The following ANKFN1 variants were observed in gnomAD, a reference collection of about 807,000 sequenced individuals.
The protein encoded by ANKFN1 is ankyrin repeat and fibronectin type-III domain-containing protein 1.
A neutral mutation model predicts 108.7 loss-of-function variants in ANKFN1; 74 were observed. The observed-to-expected ratio is 0.68, with a 90% confidence interval of 0.56 to 0.83. The LOEUF (loss-of-function observed/expected upper bound fraction) is 0.83, where lower values mean the gene tolerates loss of function less well. Among genes scored for constraint, ANKFN1 ranks in the 40% least tolerant of loss-of-function variants. The pLI is 0.00. For missense variants in ANKFN1, 1,505 were observed against 1,382.3 expected (o/e 1.09, Z -1.41); for synonymous variants, 547 against 516.2 (o/e 1.06, Z -0.81).
intron 4 of ANKFN1, among the ~76,000 whole-genome samples, chr17:56,069,038 C>T (rs1905092534): frequency 6.6e-6 from 1 of 152,054 alleles, no homozygotes; most frequent in African/African-American, 2.4e-5. Flanking sequence ...ATTATTAGTG[C>T]CTCATTATTG....
At chr17:56,119,477 G>A (rs1380114098) in intron 4 of ANKFN1, among the ~76,000 whole-genome samples, 6 of 152,080 alleles carry the variant, frequency 3.9e-5, no homozygotes, top group Admixed American at 3.9e-4. Flanking sequence ...CACCAGGCCA[G>A]TAGAACATGA....
rs138775588 is a variant in ANKFN1 at position 56,085,842 on chromosome 17, C to G, written c.288+39517C>G. Among the ~76,000 whole-genome samples the G allele has an allele frequency of 2.0e-5, 3 of 151,472 alleles. No homozygotes were observed. The East Asian group carries it at 5.8e-4, about 29-fold the overall frequency. ...CAGCTGGTTTACCAGGAGAAAACAT[C>G]TGACTCAAGCTTGTAAGCAGGCTGT... On this transcript the variant is annotated intron_variant, in intron 4 of 12. Coordinates refer to the ANKFN1 transcript ENST00000635860.
intron 3 of ANKFN1, among the ~76,000 whole-genome samples, chr17:56,243,265 C>T (rs1313674602): frequency 5.3e-5 from 8 of 152,118 alleles, no homozygotes; most frequent in Non-Finnish European, 1.0e-4. Context: ...CCTTAGCCCT[C>T]CTTATCTAAA....
intron 1 of ANKFN1, among the ~76,000 whole-genome samples, chr17:56,167,808 A>G (rs1910292953): frequency 6.6e-6 from 1 of 152,094 alleles, no homozygotes; most frequent in South Asian, 2.1e-4. Flanking sequence ...ACAGCAGGGG[A>G]AGAGGGAGAG....
intron 8 of ANKFN1, among the ~76,000 whole-genome samples, chr17:56,428,937 T>C (rs1481987166): frequency 6.6e-6 from 1 of 152,158 alleles, no homozygotes; most frequent in African/African-American, 2.4e-5. Flanking sequence ...CAATAGCTGT[T>C]TTTGGAACTA....
Position 56,374,706 on chromosome 17 carries a change from G to T in ANKFN1, c.902G>T (p.Arg301Met). Residue 301 changes from arginine (R) to methionine (M), a missense_variant, in exon 8 of 21, where the codon AGG (arginine) becomes ATG (methionine). Physicochemically the swap from Arg to Met is moderately conservative, Grantham distance 91. Coordinates refer to ENST00000682825, the MANE Select transcript of ANKFN1 (RefSeq NM_001370326.1). The stretch of plus-strand genomic sequence containing the variant: ...AGCGTCAATGCAGCTGTAGTAACCA[G>T]GTATAAAGGTACTGGACCCAAGACA... ...PLSVNAAVVT[R>M]YKVEWSMSED... is the part of the protein sequence containing the mutation. The T allele has an allele frequency of 1.2e-6, 2 of 1,611,356 alleles. No homozygotes were observed. The highest frequency in any genetic ancestry group is 1.7e-6 in the Non-Finnish European group (2 of 1,177,998).
chr17:56,221,955 A>G (rs1915923763), intron 2 of ANKFN1, among the ~76,000 whole-genome samples: 1 of 152,226 alleles, frequency 6.6e-6, no homozygotes, highest in Non-Finnish European at 1.5e-5. Flanking sequence ...CCCACCCCAT[A>G]GAGCCTACTG....
intron 8 of ANKFN1, among the ~76,000 whole-genome samples, chr17:56,378,436 A>G (rs116010137): frequency 6.6e-6 from 1 of 151,988 alleles, no homozygotes; most frequent in Non-Finnish European, 1.5e-5. Context: ...TATTCTTCTT[A>G]CCCTTTCTGT....
At chr17:56,196,477 T>C (rs946882540) in intron 1 of ANKFN1, among the ~76,000 whole-genome samples, 1 of 152,088 alleles carries the variant, frequency 6.6e-6, no homozygotes, top group Non-Finnish European at 1.5e-5. Flanking sequence ...CTCACATCTG[T>C]AATCCTAGCA....
chr17:56,368,242 C>A, intron 6 of ANKFN1: 2 of 680,498 alleles, frequency 2.9e-6, no homozygotes, highest in Non-Finnish European at 4.2e-6. Flanking sequence ...GTATAAAACA[C>A]CATGAAAACA....
At chr17:56,256,045 G>T (rs138012046) in intron 3 of ANKFN1, among the ~76,000 whole-genome samples, 3 of 152,214 alleles carry the variant, frequency 2.0e-5, no homozygotes, top group Non-Finnish European at 4.4e-5. Context: ...TATAGAGATA[G>T]TAATTTTGCC....
Position 56,419,620 on chromosome 17 carries a change from C to CCTAT in ANKFN1, c.911-20704_911-20701dup, listed in dbSNP as rs982674888. Among the ~76,000 whole-genome samples, 186 of 151,728 alleles carry CCTAT rather than the reference C, an allele frequency of 1.2e-3. 1 individual carries two copies. Among genetic ancestry groups the CCTAT allele is most frequent in the African/African-American group, 3.8e-3 (158 of 41,410 alleles). On this transcript the variant is annotated intron_variant, in intron 8 of 20. Coordinates refer to ENST00000682825, the MANE Select transcript of ANKFN1 (RefSeq NM_001370326.1). ...ACCACCTGAGGCAACCTAGCAAGAC[C>CCTAT]CTATCTCCATGAAAAATAAAAAACA... is the stretch of plus-strand genomic sequence containing the variant.
intron 4 of ANKFN1, among the ~76,000 whole-genome samples, chr17:56,048,399 G>A (rs145836203): frequency 7.4e-4 from 112 of 152,186 alleles, no homozygotes; most frequent in African/African-American, 2.5e-3. Flanking sequence ...TCTCTGAAAC[G>A]TGTTTCTATT....
At chr17:56,431,207 A>G (rs2048743727) in intron 8 of ANKFN1, among the ~76,000 whole-genome samples, 1 of 152,220 alleles carries the variant, frequency 6.6e-6, no homozygotes, top group African/African-American at 2.4e-5. Flanking sequence ...TTTGGGTCGA[A>G]GCAGACCTAG....
chr17:56,100,835 C>T (rs1402016543), intron 4 of ANKFN1, among the ~76,000 whole-genome samples: 2 of 152,204 alleles, frequency 1.3e-5, no homozygotes, highest in Non-Finnish European at 2.9e-5. Context: ...CCCCAAACTT[C>T]ACCTGTAGTT....
intron 4 of ANKFN1, among the ~76,000 whole-genome samples, chr17:56,138,068 C>G (rs1411362688): frequency 6.6e-6 from 1 of 152,100 alleles, no homozygotes; most frequent in Admixed American, 6.6e-5. Flanking sequence ...ACATGTTACC[C>G]AAGGCTTCAA....
At chr17:56,498,127 G>T (rs2051258112) in intron 19 of ANKFN1, among the ~76,000 whole-genome samples, 2 of 151,944 alleles carry the variant, frequency 1.3e-5, no homozygotes, top group Admixed American at 6.6e-5. Flanking sequence ...ACCTAAAATG[G>T]ACTACTCTAG....
intron 6 of ANKFN1, among the ~76,000 whole-genome samples, chr17:56,359,274 C>A (rs2046452584): frequency 6.6e-6 from 1 of 152,096 alleles, no homozygotes; most frequent in African/African-American, 2.4e-5. Context: ...GGGAAAAAAA[C>A]CTTCAAGTCT....
At chr17:56,492,931 G>A (rs1171043343) in intron 19 of ANKFN1, among the ~76,000 whole-genome samples, 1 of 152,114 alleles carries the variant, frequency 6.6e-6, no homozygotes, top group African/African-American at 2.4e-5. Flanking sequence ...GTACTGACTA[G>A]TAATCAAGAG....
Sources: allele counts gnomAD v4.1 joint callset (sites outside exome capture counted in the v4.1 genomes callset), GRCh38; gene constraint gnomAD v4.1.1; transcripts MANE v1.5; gene names NCBI Gene and HGNC (gene_info 2026-07-23, HGNC 2026-07-21).